AFTPH: variants seen among roughly 807,000 people sequenced by gnomAD.
The protein encoded by AFTPH is aftiphilin, also known as aftiphilin protein.
A neutral mutation model predicts 72.5 loss-of-function variants in AFTPH; 7 were observed. The observed-to-expected ratio is 0.10, with a 90% confidence interval of 0.05 to 0.18. The LOEUF (loss-of-function observed/expected upper bound fraction) is 0.18, where lower values mean the gene tolerates loss of function less well. AFTPH is among the 10% of genes least tolerant of loss of function. The pLI is 1.00. For synonymous variants in AFTPH, 337 were observed against 370.1 expected (o/e 0.91, Z 1.03); for missense variants, 979 against 1,060.5 (o/e 0.92, Z 1.07).
intron 2 of AFTPH, among the ~76,000 whole-genome samples, chr2:64,560,880 GA>G (rs1308597363): frequency 6.6e-5 from 10 of 151,714 alleles, no homozygotes; most frequent in Admixed American, 4.6e-4. Flanking sequence ...CTTGGGGGAG[GA>G]AAAAAAAGAA....
rs567546712 is a variant in AFTPH at position 64,551,885 on chromosome 2, A to G, written c.411A>G (p.Val137=). 2.5e-5 allele frequency: 41 copies of G among 1,613,848 alleles called. No homozygotes were observed. In the African/African-American group the frequency reaches 4.9e-4, roughly 19 times the overall value. ...AAAGACCAGGAAATTTAAATAAAGTAGTGGAGCAGAGACAGAATGTTGGAA... is the reference window on the plus strand; with the variant it reads ...AAAGACCAGGAAATTTAAATAAAGTGGTGGAGCAGAGACAGAATGTTGGAA... The change falls in exon 2 of 9, where the codon GTA becomes GTG. Residue 137 remains valine (V), a synonymous_variant. Coordinates refer to ENST00000238856, the Ensembl canonical transcript of AFTPH.
intron 1 of AFTPH, among the ~76,000 whole-genome samples, chr2:64,538,494 T>C (rs1434948016): frequency 6.6e-6 from 1 of 152,234 alleles, no homozygotes; most frequent in East Asian, 1.9e-4. Flanking sequence ...AATGTGTTTA[T>C]ATTTGATTTT....
At chr2:64,584,593 ATTTTTTT>A (rs5831705) in intron 7 of AFTPH, among the ~76,000 whole-genome samples, 2 of 117,008 alleles carry the variant, frequency 1.7e-5, no homozygotes, top group African/African-American at 3.4e-5. Context: ...CTTAGTCATG[ATTTTTTT>A]TTTTTTTTTT....
intron 1 of AFTPH, among the ~76,000 whole-genome samples, chr2:64,546,354 G>A (rs536270483): frequency 1.3e-5 from 2 of 152,188 alleles, no homozygotes; most frequent in South Asian, 4.1e-4. Flanking sequence ...TCTAGCAAAC[G>A]GGGCATAAAG....
intron 1 of AFTPH, among the ~76,000 whole-genome samples, chr2:64,539,779 A>C (rs114378774): frequency 1.3e-5 from 2 of 152,212 alleles, no homozygotes; most frequent in South Asian, 4.1e-4. Context: ...TTGAAAGAGC[A>C]GTTTCGGTAG....
intron 1 of AFTPH, among the ~76,000 whole-genome samples, chr2:64,538,743 T>A (rs1041643071): frequency 3.3e-5 from 5 of 152,220 alleles, no homozygotes; most frequent in African/African-American, 1.2e-4. Context: ...GTTACTTAGG[T>A]CATATTTTAA....
In AFTPH at chr2:64,558,193, C is replaced by T. The variant is rs1284143225; in HGVS notation, c.1935+4784C>T. 2.0e-5 allele frequency among the ~76,000 whole-genome samples: 3 copies of T among 152,070 alleles called. No individual in the cohort carries two copies. The East Asian group carries it at 5.8e-4, about 29-fold the overall frequency. On this transcript the variant is annotated intron_variant, in intron 2 of 8. Coordinates refer to ENST00000238856, the Ensembl canonical transcript of AFTPH. ...ACTATTGATATTAATCAACTCCTGT[C>T]CCTAAGCAAGAAAGGAAAACTAACT...
chr2:64,561,437 G>A (rs1671738871), intron 2 of AFTPH, among the ~76,000 whole-genome samples: 1 of 152,196 alleles, frequency 6.6e-6, no homozygotes, highest in African/African-American at 2.4e-5. Context: ...AGTGCTTTGG[G>A]AGGCCAAGGC....
At chr2:64,573,117 A>ATGTG in intron 6 of AFTPH, 49 bp downstream of exon 6, 1 of 1,374,598 alleles carries the variant, frequency 7.3e-7, no homozygotes, top group Non-Finnish European at 1.0e-6. Context: ...GTATATACAC[A>ATGTG]TATATCCACA....
At chr2:64,578,299 T>C (rs1232898211) in intron 6 of AFTPH, among the ~76,000 whole-genome samples, 1 of 152,110 alleles carries the variant, frequency 6.6e-6, no homozygotes, top group Non-Finnish European at 1.5e-5. Flanking sequence ...TGCCTTACAA[T>C]AAAGCGTAGT....
intron 1 of AFTPH, chr2:64,525,706 A>G (rs1669219214): frequency 6.6e-6 from 1 of 152,224 alleles, no homozygotes; most frequent in Non-Finnish European, 1.5e-5. Flanking sequence ...AGGGACAACA[A>G]ATGTTTCAAC....
chr2:64,592,041 G>C (rs199508613), exon 9 of AFTPH: 2 of 1,602,398 alleles, frequency 1.2e-6, no homozygotes, highest in African/African-American at 2.7e-5. Flanking sequence ...GATAACTGAT[G>C]TGAATTGGAC....
At position 64,553,702 on chromosome 2, in the gene AFTPH, TAAA is replaced by T. The variant is rs5831703; in HGVS notation, c.1935+308_1935+310del. 2.2e-4 allele frequency among the ~76,000 whole-genome samples: 31 copies of T among 139,288 alleles called. No individual in the cohort carries two copies. The East Asian group carries it at 3.9e-3, about 17-fold the overall frequency. The allele number at this position is 139,288 out of a possible 152,430, so 91.4% of individuals were successfully genotyped here. On this transcript the variant is annotated intron_variant, in intron 2 of 8. Coordinates refer to ENST00000238856, the Ensembl canonical transcript of AFTPH. ...TGGTGACTATAAATACCATATATGT[TAAA>T]AAAAAAAAAAAAAACCCACACTTAT...
At chr2:64,577,159 T>C (rs1030866051) in intron 6 of AFTPH, among the ~76,000 whole-genome samples, 5 of 152,120 alleles carry the variant, frequency 3.3e-5, no homozygotes, top group Non-Finnish European at 5.9e-5. Flanking sequence ...CCTGTCTCCA[T>C]GTTTTTGTTC....
chr2:64,590,067 A>C (rs1673733942), intron 8 of AFTPH, among the ~76,000 whole-genome samples: 2 of 151,774 alleles, frequency 1.3e-5, no homozygotes, highest in African/African-American at 4.8e-5. Context: ...CATTTCATCT[A>C]CTTAGGCTAT....
intron 1 of AFTPH, among the ~76,000 whole-genome samples, chr2:64,529,326 T>G (rs1228625672): frequency 6.6e-6 from 1 of 152,052 alleles, no homozygotes; most frequent in Non-Finnish European, 1.5e-5. Flanking sequence ...TTTTTTTTTT[T>G]TCACCATTCC....
chr2:64,525,987 A>C (rs907928895), intron 1 of AFTPH, among the ~76,000 whole-genome samples: 10 of 152,272 alleles, frequency 6.6e-5, no homozygotes, highest in Non-Finnish European at 1.5e-4. Flanking sequence ...TAGATATATC[A>C]GTTGATCTTC....
intron 2 of AFTPH, among the ~76,000 whole-genome samples, chr2:64,565,723 G>A (rs1401692961): frequency 6.6e-6 from 1 of 152,120 alleles, no homozygotes; most frequent in Non-Finnish European, 1.5e-5. Flanking sequence ...TTACTGTCTG[G>A]CTCTCTATAG....
intron 7 of AFTPH, among the ~76,000 whole-genome samples, chr2:64,582,773 C>A (rs915971497): frequency 1.3e-5 from 2 of 152,090 alleles, no homozygotes; most frequent in African/African-American, 4.8e-5. Flanking sequence ...TCTTTTGGAT[C>A]CCTAAAAACC....
Sources: allele counts gnomAD v4.1 joint callset (sites outside exome capture counted in the v4.1 genomes callset), GRCh38; gene constraint gnomAD v4.1.1; transcripts MANE v1.5; gene names NCBI Gene and HGNC (gene_info 2026-07-23, HGNC 2026-07-21).